The following MGAM variants were observed in gnomAD, a reference collection of about 807,000 sequenced individuals.
MGAM encodes alpha-1,4-glucosidase.
In MGAM, 253 loss-of-function variants were observed where a neutral mutation model predicts 358.8. The ratio of observed to expected loss-of-function variants is 0.71; its 90% CI spans 0.64 to 0.78. The LOEUF (loss-of-function observed/expected upper bound fraction) is 0.78, where lower values mean the gene tolerates loss of function less well. Ranked by LOEUF, MGAM falls within the 30% of genes least tolerant of loss-of-function variation. The pLI, the probability that MGAM is intolerant of heterozygous loss-of-function variation, is 0.00. For synonymous variants in MGAM, 1,105 were observed against 1,227.1 expected (o/e 0.90, Z 2.08); for missense variants, 3,080 against 3,432.6 (o/e 0.90, Z 2.57).
chr7:142,097,558 TGC>T, intron 65 of MGAM, 33 bp from the exon 66 acceptor site: 1 of 1,590,770 alleles, frequency 6.3e-7, no homozygotes, highest in Non-Finnish European at 8.6e-7. Flanking sequence ...TGGAAAATGG[TGC>T]CACTGCCACA....
intron 21 of MGAM, among the ~76,000 whole-genome samples, chr7:142,041,896 A>ATATG: frequency 2.8e-5 from 1 of 36,132 alleles, no homozygotes; most frequent in Non-Finnish European, 4.7e-5. Flanking sequence ...ATAATATATA[A>ATATG]TATATATATT....
intron 6 of MGAM, 86 bp downstream of exon 6, chr7:142,021,823 A>T: frequency 7.1e-7 from 1 of 1,405,840 alleles, no homozygotes; most frequent in Non-Finnish European, 1.0e-6. Flanking sequence ...TTTCAACAAT[A>T]TTCCTGAAGG....
chr7:142,026,594 G>A (rs1009923989), intron 8 of MGAM, among the ~76,000 whole-genome samples: 4 of 152,102 alleles, frequency 2.6e-5, no homozygotes, highest in Non-Finnish European at 4.4e-5. Context: ...AGATAAATGG[G>A]CCCTTAGGAG....
intron 27 of MGAM, among the ~76,000 whole-genome samples, chr7:142,055,217 A>G (rs1219726405): frequency 6.6e-6 from 1 of 152,078 alleles, no homozygotes; most frequent in Non-Finnish European, 1.5e-5. Context: ...AGTAAATATC[A>G]CTTTGAGTGC....
At position 142,034,385 on chromosome 7, in the gene MGAM, G is replaced by T. The variant is rs562168090; in HGVS notation, c.1787+6G>T. 2 of 1,521,874 alleles carry T rather than the reference G, an allele frequency of 1.3e-6. No individual in the cohort carries two copies. Among genetic ancestry groups the T allele is most frequent in the South Asian group, 2.4e-5 (2 of 84,052 alleles). 94.3% of individuals were successfully genotyped at this position (1,521,874 alleles called of 1,614,324 possible). On this transcript the variant is annotated splice_donor_region_variant and intron_variant, in intron 15 of 70. Coordinates refer to ENST00000475668, the MANE Select transcript of MGAM (RefSeq NM_001365693.1). ...ATGGCGGTCGCCACAGCAGAGTAAG[G>T]CCACTATGGCTATGACCTGCTAATT... is the stretch of plus-strand genomic sequence containing the variant.
chr7:142,079,524 G>A (rs972197362), intron 49 of MGAM, among the ~76,000 whole-genome samples: 2 of 146,106 alleles, frequency 1.4e-5, no homozygotes, highest in African/African-American at 4.9e-5. Context: ...GATATGTTCA[G>A]TTTGGGATAC....
chr7:142,021,003 T>C lies in MGAM; in HGVS notation c.478T>C (p.Ser160Pro). The C allele has an allele frequency of 6.2e-7, 1 of 1,613,714 alleles. No homozygotes were observed. The highest frequency in any genetic ancestry group is 8.5e-7 in the Non-Finnish European group (1 of 1,179,720). ...GFTARLKNLP[S>P]SPVFGSNVDN... Reference sequence around the variant, plus strand: ...CACAGCCCGGTTGAAAAATCTGCCTTCTTCACCAGTGTTTGGAAGCAATGT... The same window carrying C: ...CACAGCCCGGTTGAAAAATCTGCCTCCTTCACCAGTGTTTGGAAGCAATGT... Residue 160 changes from serine to proline, a missense_variant, in exon 5 of 71, where the codon TCT becomes CCT. By Grantham distance (74) the Ser-to-Pro change is moderately conservative. Around this residue, in one of 5 missense-constraint regions of MGAM, gnomAD observed 1,816 missense variants for 1,840.5 expected, o/e 0.99. Transcript: ENST00000475668.
rs1313956835 is a variant in MGAM, at chr7:142,040,709, C to T, written c.2374-13C>T. 2 of 1,612,132 alleles carry T rather than the reference C, an allele frequency of 1.2e-6. No individual in the cohort carries two copies. Among genetic ancestry groups the T allele is most frequent in the Admixed American group, 1.7e-5 (1 of 59,776 alleles). On this transcript the variant is annotated splice_polypyrimidine_tract_variant and intron_variant, in intron 20 of 70. Transcript: ENST00000475668. Reference sequence around the variant, plus strand: ...TGTCATGCCAATGTGTTTGATTTATCTGCATGCATCAGGGGAGCCAAGTGA... The same window carrying T: ...TGTCATGCCAATGTGTTTGATTTATTTGCATGCATCAGGGGAGCCAAGTGA...
intron 29 of MGAM, 36 bp from the exon 30 acceptor site, chr7:142,056,794 G>T: frequency 1.2e-6 from 2 of 1,601,028 alleles, no homozygotes; most frequent in Non-Finnish European, 1.7e-6. Context: ...GACATGGAAG[G>T]TGTCCGTGAG....
intron 2 of MGAM, 41 bp from the exon 3 acceptor site, chr7:142,008,465 A>C (rs1554453183): frequency 6.5e-7 from 1 of 1,549,270 alleles, no homozygotes; most frequent in Non-Finnish European, 8.7e-7. Context: ...CTGTGAAATT[A>C]AATTTGTCTA....
intron 51 of MGAM, 25 bp from the exon 52 acceptor site, chr7:142,082,447 CCTA>C: frequency 6.9e-7 from 1 of 1,448,136 alleles, no homozygotes; most frequent in Non-Finnish European, 9.5e-7. Context: ...CTTTTAAACT[CCTA>C]CTGCTTCTCC....
chr7:142,088,895 C>T (rs1291465785), intron 57 of MGAM, among the ~76,000 whole-genome samples: 1 of 142,534 alleles, frequency 7.0e-6, no homozygotes. Flanking sequence ...TCTATTCATC[C>T]ACTCACCCTA....
chr7:142,074,223 T>G, intron 45 of MGAM, 50 bp downstream of exon 45: 1 of 1,253,902 alleles, frequency 8.0e-7, no homozygotes, highest in Non-Finnish European at 1.1e-6. Context: ...CGCCTGTGAC[T>G]TATGGTCCTT....
chr7:142,032,686 C>A, intron 13 of MGAM, 139 bp from the exon 14 acceptor site: 1 of 534,478 alleles, frequency 1.9e-6, no homozygotes, highest in South Asian at 2.9e-5. Context: ...GACAAGAACA[C>A]CTACTCTATT....
intron 64 of MGAM, 30 bp downstream of exon 64, chr7:142,095,743 A>T (rs1815849422): frequency 6.2e-7 from 1 of 1,609,286 alleles, no homozygotes; most frequent in South Asian, 1.1e-5. Context: ...CCCAATGCCT[A>T]ATGGATGACT....
intron 50 of MGAM, among the ~76,000 whole-genome samples, chr7:142,081,677 A>G (rs1038332563): frequency 2.1e-5 from 3 of 145,858 alleles, no homozygotes; most frequent in African/African-American, 7.3e-5. Context: ...TGGGAGTGAC[A>G]TGAGGTGAGA....
intron 34 of MGAM, among the ~76,000 whole-genome samples, chr7:142,061,123 C>T (rs1374856966): frequency 1.3e-5 from 2 of 152,112 alleles, no homozygotes; most frequent in Non-Finnish European, 2.9e-5. Flanking sequence ...TATGGACAGG[C>T]AAAGCCAGCA....
Position 142,096,347 on chromosome 7 carries a change from G to T in MGAM, c.7624G>T (p.Val2542Leu), listed in dbSNP as rs1384234585. The T allele has an allele frequency of 3.1e-6, 5 of 1,613,676 alleles. No homozygotes were observed. Among genetic ancestry groups the T allele is most frequent in the African/African-American group, 1.3e-5 (1 of 75,014 alleles). ...PLLHEFVSDQ[V>L]TWDIDSQFLL... ...CCTTTCCAGGTTTGTGTCAGACCAG[G>T]TGACATGGGACATAGACAGTCAGTT... Residue 2542 changes from valine (V) to leucine (L), a missense_variant, in exon 65 of 71, where the codon GTG becomes TTG. Val to Leu is a conservative substitution (Grantham distance 32, BLOSUM62 1). Coordinates refer to ENST00000475668, the MANE Select transcript of MGAM (RefSeq NM_001365693.1).
rs1218043112 is a variant in MGAM at position 142,106,201 on chromosome 7, C to A, written c.*310C>A. On this transcript the variant is annotated 3_prime_UTR_variant, in exon 71 of 71. Transcript: ENST00000475668. ...GGTCCATGATGAAGTGTGTGTATGT[C>A]CACGTTTGTAATCATAGAATGGACC... 1.0e-5 allele frequency: 2 copies of A among 193,218 alleles called. No homozygotes were observed. The highest frequency in any genetic ancestry group is 2.3e-5 in the African/African-American group (1 of 42,794). The allele number at this position is 193,218 out of a possible 1,614,324, so 12.0% of individuals were successfully genotyped here.
Sources: allele counts gnomAD v4.1 joint callset (sites outside exome capture counted in the v4.1 genomes callset), GRCh38; gene constraint gnomAD v4.1.1; regional missense constraint gnomAD v4.1.1; transcripts MANE v1.5; gene names NCBI Gene and HGNC (gene_info 2026-07-23, HGNC 2026-07-21).